Variants in ROBO2 observed in about 807,000 individuals in gnomAD.
ROBO2 encodes roundabout homolog 2.
In ROBO2, 53 loss-of-function variants were observed where a neutral mutation model predicts 160.8. The ratio of observed to expected loss-of-function variants is 0.33; its 90% CI spans 0.26 to 0.41. The LOEUF (loss-of-function observed/expected upper bound fraction) is 0.41, where lower values mean the gene tolerates loss of function less well. Ranked by LOEUF, ROBO2 falls within the 10% of genes least tolerant of loss-of-function variation. ROBO2 has a pLI of 1.00. For synonymous variants in ROBO2, 664 were observed against 611.7 expected (o/e 1.09, Z -1.26); for missense variants, 1,577 against 1,722.4 (o/e 0.92, Z 1.49).
chr3:75,969,481 G>A (rs560603004), intron 2 of ROBO2, among the ~76,000 whole-genome samples: 2 of 151,572 alleles, frequency 1.3e-5, no homozygotes, highest in African/African-American at 2.4e-5. Flanking sequence ...AATTTTTGAG[G>A]AACCTTCATA....
At chr3:77,518,829 G>GACC (rs2090298309) in intron 5 of ROBO2, among the ~76,000 whole-genome samples, 6 of 151,464 alleles carry the variant, frequency 4.0e-5, no homozygotes. Flanking sequence ...CACTGTTATA[G>GACC]GCTAGACCGT....
chr3:76,872,057 A>C (rs1274428429), intron 2 of ROBO2, among the ~76,000 whole-genome samples: 1 of 152,184 alleles, frequency 6.6e-6, no homozygotes, highest in African/African-American at 2.4e-5. Context: ...AATATTAATC[A>C]AGGCACCCAC....
At chr3:76,562,750 A>G (rs1266126584) in intron 2 of ROBO2, among the ~76,000 whole-genome samples, 1 of 152,214 alleles carries the variant, frequency 6.6e-6, no homozygotes, top group Non-Finnish European at 1.5e-5. Context: ...TTCATTAAGA[A>G]TGAGGTCTGT....
intron 2 of ROBO2, among the ~76,000 whole-genome samples, chr3:76,783,341 T>C (rs2108631930): frequency 6.6e-6 from 1 of 151,000 alleles, no homozygotes; most frequent in East Asian, 2.0e-4. Context: ...ACTTTGACTA[T>C]ATTTTTCCCT....
intron 8 of ROBO2, among the ~76,000 whole-genome samples, chr3:77,554,444 GCTATAGCTGCTGTAGA>G (rs2153656034): frequency 6.6e-6 from 1 of 151,976 alleles, no homozygotes; most frequent in South Asian, 2.1e-4. Context: ...ATTTTCCAAG[GCTATAGCTGCTGTAGA>G]CAGTAATTCA....
At chr3:76,514,396 C>T (rs2081251294) in intron 2 of ROBO2, among the ~76,000 whole-genome samples, 1 of 152,290 alleles carries the variant, frequency 6.6e-6, no homozygotes, top group East Asian at 1.9e-4. Flanking sequence ...TAGTAAAATT[C>T]ACAAAGCAGC....
chr3:75,965,464 C>A (rs1471978311), intron 2 of ROBO2, among the ~76,000 whole-genome samples: 1 of 152,186 alleles, frequency 6.6e-6, no homozygotes, highest in Admixed American at 6.5e-5. Flanking sequence ...GTGTGATGTA[C>A]ACGTGCGCAG....
intron 2 of ROBO2, among the ~76,000 whole-genome samples, chr3:76,867,024 A>G (rs1393331418): frequency 2.6e-5 from 4 of 152,150 alleles, no homozygotes; most frequent in African/African-American, 9.7e-5. Flanking sequence ...CAGTAGCTAC[A>G]TTTTAACTCA....
intron 2 of ROBO2, among the ~76,000 whole-genome samples, chr3:76,787,472 TTAAA>T (rs1224223762): frequency 6.6e-6 from 1 of 151,180 alleles, no homozygotes; most frequent in East Asian, 2.0e-4. Context: ...AGGGCAAGGT[TTAAA>T]TTTGTTTCTG....
intron 2 of ROBO2, among the ~76,000 whole-genome samples, chr3:76,718,172 A>G (rs574011482): frequency 6.6e-6 from 1 of 152,316 alleles, no homozygotes; most frequent in Admixed American, 6.5e-5. Context: ...ACATTAACCC[A>G]CAACAGGTCT....
Position 76,729,568 on chromosome 3 carries a change from T to C in ROBO2, c.110-368446T>C, listed in dbSNP as rs186152526. Among the ~76,000 whole-genome samples, 4 of 152,112 alleles carry C rather than the reference T, an allele frequency of 2.6e-5. No homozygotes were observed. The East Asian group carries it at 5.8e-4, about 22-fold the overall frequency. On this transcript the variant is annotated intron_variant, in intron 2 of 26. Coordinates refer to the ROBO2 transcript ENST00000487694. ...GGCTTATTTTCAGTGATTATATTTA[T>C]ATTTAAACATTCTGAATATGCCACT...
intron 2 of ROBO2, among the ~76,000 whole-genome samples, chr3:76,172,317 A>G (rs906931760): frequency 3.3e-5 from 5 of 151,576 alleles, no homozygotes; most frequent in African/African-American, 1.2e-4. Flanking sequence ...GCATTAGGAG[A>G]TATACCTAAT....
intron 3 of ROBO2, among the ~76,000 whole-genome samples, chr3:77,477,830 CTTTTT>C (rs11371687): frequency 1.2e-5 from 1 of 84,472 alleles, no homozygotes; most frequent in Non-Finnish European, 2.1e-5. Flanking sequence ...TATTTTAGCT[CTTTTT>C]TTTTTTTTTT....
chr3:76,074,737 A>G (rs2068586864), intron 2 of ROBO2, among the ~76,000 whole-genome samples: 1 of 152,236 alleles, frequency 6.6e-6, no homozygotes, highest in African/African-American at 2.4e-5. Context: ...TAAAATGAAT[A>G]TAAAGGCAGA....
rs565570366 is a variant in ROBO2 at position 77,283,207 on chromosome 3, G to T, written c.388+184867G>T. The stretch of plus-strand genomic sequence containing the variant: ...AAGATGCATGAAAATATCTAATTGT[G>T]TAAATACTGTTAAGCTAGAGAATTA... On this transcript the variant is annotated intron_variant, in intron 2 of 25. Coordinates refer to ENST00000461745, the Ensembl canonical transcript of ROBO2. Among the ~76,000 whole-genome samples, 4 of 152,222 alleles carry T rather than the reference G, an allele frequency of 2.6e-5. No homozygotes were observed. In the South Asian group the frequency reaches 8.3e-4, roughly 32 times the overall value.
At chr3:76,874,014 A>G (rs1347987287) in intron 2 of ROBO2, among the ~76,000 whole-genome samples, 1 of 152,212 alleles carries the variant, frequency 6.6e-6, no homozygotes, top group East Asian at 1.9e-4. Context: ...GCATAACAGA[A>G]GTAGGCTAAA....
intron 23 of ROBO2, among the ~76,000 whole-genome samples, chr3:77,624,345 T>C (rs2094961447): frequency 6.6e-6 from 1 of 152,024 alleles, no homozygotes; most frequent in East Asian, 1.9e-4. Flanking sequence ...GAGTATGTGT[T>C]AGATGTGTGA....
At chr3:77,542,004 C>T (rs545090102) in intron 6 of ROBO2, among the ~76,000 whole-genome samples, 1 of 152,062 alleles carries the variant, frequency 6.6e-6, no homozygotes, top group South Asian at 2.1e-4. Flanking sequence ...ATGTATAGCA[C>T]ACTTTGTGCT....
chr3:76,449,652 C>A (rs2077375023), intron 2 of ROBO2, among the ~76,000 whole-genome samples: 1 of 151,992 alleles, frequency 6.6e-6, no homozygotes, highest in African/African-American at 2.4e-5. Context: ...TGTTTGTTCC[C>A]CCGAAAGCAG....
Sources: gnomAD v4.1 joint callset for allele counts (sites outside exome capture counted in the v4.1 genomes callset) on GRCh38, gnomAD v4.1.1 for gene constraint, MANE v1.5 for transcripts, NCBI Gene and HGNC (gene_info 2026-07-23, HGNC 2026-07-21) for gene names.